PDE1C: variants seen among roughly 807,000 people sequenced by gnomAD.
PDE1C encodes the protein dual specificity calcium/calmodulin-dependent 3',5'-cyclic nucleotide phosphodiesterase 1C.
A neutral mutation model predicts 93.1 loss-of-function variants in PDE1C; 62 were observed. The ratio of observed to expected loss-of-function variants is 0.67; its 90% CI spans 0.54 to 0.82. The LOEUF is 0.82. Ranked by LOEUF, PDE1C falls within the 40% of genes least tolerant of loss-of-function variation. The pLI is 0.00. For synonymous variants in PDE1C, 325 were observed against 310.1 expected (o/e 1.05, Z -0.50); for missense variants, 742 against 884.6 (o/e 0.84, Z 2.04).
intron 2 of PDE1C, among the ~76,000 whole-genome samples, chr7:31,967,188 A>G (rs1207381897): frequency 6.6e-6 from 1 of 152,226 alleles, no homozygotes; most frequent in Non-Finnish European, 1.5e-5. Context: ...TTTTGAAACG[A>G]TCAACAAAAT....
rs180868654 is a variant in PDE1C at position 31,850,730 on chromosome 7, C to T, written c.762G>A (p.Thr254=). Residue 254 remains threonine, a synonymous_variant, in exon 8 of 18, where the codon ACG becomes ACA. Transcript: ENST00000396191. Reference sequence around the variant, plus strand: ...AGATTATAGCAAAGATCTCCAGCTCCGTCAGCCAGTTCTGAAAGGAGATTA... The same window carrying T: ...AGATTATAGCAAAGATCTCCAGCTCTGTCAGCCAGTTCTGAAAGGAGATTA... ...LYKTGVANWL[T]ELEIFAIIFS... is the part of the protein sequence containing the mutation. The T allele has an allele frequency of 1.6e-5, 25 of 1,611,484 alleles. No individual in the cohort carries two copies. Among genetic ancestry groups the T allele is most frequent in the Admixed American group, 1.2e-4 (7 of 59,966 alleles).
intron 1 of PDE1C, among the ~76,000 whole-genome samples, chr7:32,360,808 C>G (rs2128085201): frequency 6.6e-6 from 1 of 152,242 alleles, no homozygotes; most frequent in Non-Finnish European, 1.5e-5. Flanking sequence ...ATAAAATTTC[C>G]CTGTCTAAAC....
chr7:32,000,699 T>A (rs111369313), intron 2 of PDE1C, among the ~76,000 whole-genome samples: 1,758 of 152,228 alleles, frequency 0.012, 32 homozygotes, highest in African/African-American at 0.04. Flanking sequence ...GGACTCTTCA[T>A]ATCCCCAGCC....
intron 2 of PDE1C, among the ~76,000 whole-genome samples, chr7:32,042,334 A>C (rs1051660522): frequency 6.6e-6 from 1 of 152,090 alleles, no homozygotes; most frequent in Non-Finnish European, 1.5e-5. Flanking sequence ...GACAAAAAAA[A>C]CTATAAAGCC....
intron 2 of PDE1C, among the ~76,000 whole-genome samples, chr7:32,024,116 G>T (rs904152386): frequency 6.6e-6 from 1 of 152,034 alleles, no homozygotes; most frequent in Non-Finnish European, 1.5e-5. Flanking sequence ...GATGTGTCAT[G>T]AGGTTTCTCT....
At chr7:31,714,890 A>C in the PDE1C span, among the ~76,000 whole-genome samples, 1 of 152,188 alleles carries the variant, frequency 6.6e-6, no homozygotes, top group Non-Finnish European at 1.5e-5. Flanking sequence ...GCCAAACCAT[A>C]TCACTAGCCA....
chr7:31,698,064 A>G, the PDE1C span, among the ~76,000 whole-genome samples: 1 of 152,244 alleles, frequency 6.6e-6, no homozygotes, highest in African/African-American at 2.4e-5. Context: ...ACCTAGGTCT[A>G]TCTCACCTTT....
the PDE1C span, among the ~76,000 whole-genome samples, chr7:31,638,875 C>T: frequency 1.1e-3 from 169 of 152,204 alleles, no homozygotes; most frequent in African/African-American, 3.8e-3. Context: ...CTCCCAGGTT[C>T]GAGCAATTCT....
intron 1 of PDE1C, among the ~76,000 whole-genome samples, chr7:32,267,133 C>T (rs1170666923): frequency 2.6e-5 from 4 of 152,232 alleles, no homozygotes; most frequent in African/African-American, 9.6e-5. Flanking sequence ...TGAGCAGCGG[C>T]GGCCCCTGGC....
intron 1 of PDE1C, among the ~76,000 whole-genome samples, chr7:32,354,958 T>C (rs1159377900): frequency 6.6e-6 from 1 of 152,256 alleles, no homozygotes; most frequent in East Asian, 1.9e-4. Context: ...CAGTGGCCAT[T>C]GGAGTTTCCC....
At chr7:32,158,488 A>G (rs976864785) in intron 3 of PDE1C, among the ~76,000 whole-genome samples, 3 of 152,184 alleles carry the variant, frequency 2.0e-5, no homozygotes, top group African/African-American at 7.2e-5. Context: ...TTAGTCAATG[A>G]CCATTAGCTA....
intron 2 of PDE1C, among the ~76,000 whole-genome samples, chr7:32,183,625 C>A (rs1803606439): frequency 1.3e-5 from 2 of 152,168 alleles, no homozygotes; most frequent in South Asian, 4.1e-4. Context: ...TGGATCCCTT[C>A]CTTACACCTT....
At chr7:32,070,907 GC>G (rs996502381), upstream of PDE1C, 6 of 985,386 alleles carry the variant, frequency 6.1e-6, no homozygotes, top group Non-Finnish European at 7.2e-6. Context: ...ACCCGGCTCC[GC>G]CCCGCGCCCA....
intron 1 of PDE1C, among the ~76,000 whole-genome samples, chr7:32,348,356 CTTTTTTTTT>C (rs59148183): frequency 8.7e-5 from 5 of 57,310 alleles, no homozygotes; most frequent in South Asian, 8.8e-4. Flanking sequence ...AACAAATGTG[CTTTTTTTTT>C]TTTTTTTTTT....
At chr7:32,060,129 G>C (rs1794629587) in intron 1 of PDE1C, among the ~76,000 whole-genome samples, 2 of 152,216 alleles carry the variant, frequency 1.3e-5, no homozygotes, top group African/African-American at 4.8e-5. Flanking sequence ...TAGGGGAGGA[G>C]TAGGGTTTTT....
At chr7:31,675,136 A>C in the PDE1C span, among the ~76,000 whole-genome samples, 1 of 152,140 alleles carries the variant, frequency 6.6e-6, no homozygotes, top group Admixed American at 6.5e-5. Flanking sequence ...CTCTGTTCCA[A>C]GCTTTGGTCA....
rs17422656 is a variant in PDE1C, at chr7:32,063,163, G to A, written c.101+7130C>T. 9.7e-3 allele frequency among the ~76,000 whole-genome samples: 1,485 copies of A among 152,330 alleles called. 19 individuals are homozygous for A. Among genetic ancestry groups the A allele is most frequent in the South Asian group, 0.059 (283 of 4,828 alleles). ...ATTTTTATTGCTAGTGGGAAACTCCGATGATGGTCATTCTCAAAGCTGTCC... is the reference window on the plus strand; with the variant it reads ...ATTTTTATTGCTAGTGGGAAACTCCAATGATGGTCATTCTCAAAGCTGTCC... On this transcript the variant is annotated intron_variant, in intron 1 of 17. Transcript: ENST00000396191.
chr7:32,426,644 C>T (rs755956552), intron 1 of PDE1C, among the ~76,000 whole-genome samples: 68 of 152,330 alleles, frequency 4.5e-4, no homozygotes, highest in African/African-American at 6.5e-4. Flanking sequence ...GGTGTCCTGA[C>T]TCCTGATCTG....
At chr7:31,851,975 G>A (rs1793395895) in intron 7 of PDE1C, among the ~76,000 whole-genome samples, 1 of 152,174 alleles carries the variant, frequency 6.6e-6, no homozygotes, top group South Asian at 2.1e-4. Context: ...GTTGATGTAA[G>A]ACAAATGTGA....
Sources: gnomAD v4.1 joint callset for allele counts (sites outside exome capture counted in the v4.1 genomes callset) on GRCh38, gnomAD v4.1.1 for gene constraint, MANE v1.5 for transcripts, NCBI Gene and HGNC (gene_info 2026-07-23, HGNC 2026-07-21) for gene names.